RALYL: variants seen among roughly 807,000 people sequenced by gnomAD.
RALYL encodes the protein RNA-binding Raly-like protein.
RALYL carries 29 observed loss-of-function variants against 35.1 expected under a neutral mutation model. That is an observed-to-expected ratio of 0.83 (90% CI 0.61 to 1.13). The LOEUF (loss-of-function observed/expected upper bound fraction) is 1.13. Among genes scored for constraint, RALYL ranks in the 50% most tolerant of loss-of-function variants. The pLI is 0.00. For synonymous variants in RALYL, 120 were observed against 127.6 expected, an observed-to-expected ratio of 0.94 and a Z score of 0.40; for missense variants, 359 against 360.4, an observed-to-expected ratio of 1.00 and a Z score of 0.03.
chr8:84,467,116 G>C (rs1010823822), intron 1 of RALYL, among the ~76,000 whole-genome samples: 3 of 151,914 alleles, frequency 2.0e-5, no homozygotes, highest in Non-Finnish European at 2.9e-5. Context: ...TTAATTTTTT[G>C]AAGGGTTTTT....
intron 5 of RALYL, among the ~76,000 whole-genome samples, chr8:84,858,015 T>C (rs1364290434): frequency 2.0e-5 from 3 of 152,150 alleles, no homozygotes; most frequent in African/African-American, 7.2e-5. Flanking sequence ...AAAACAATTA[T>C]TGTTTAAGAA....
intron 1 of RALYL, among the ~76,000 whole-genome samples, chr8:84,425,344 C>G (rs575170996): frequency 4.7e-5 from 7 of 149,906 alleles, no homozygotes; most frequent in Admixed American, 6.7e-5. Flanking sequence ...TTCTTTGACT[C>G]GGAAAGGGAA....
intron 1 of RALYL, among the ~76,000 whole-genome samples, chr8:84,311,799 G>A (rs1842871592): frequency 6.6e-6 from 1 of 152,114 alleles, no homozygotes; most frequent in Non-Finnish European, 1.5e-5. Flanking sequence ...TAAGAAGCAT[G>A]GTACTGTACA....
intron 8 of RALYL, among the ~76,000 whole-genome samples, chr8:84,908,339 C>G (rs1432345181): frequency 1.3e-5 from 2 of 152,166 alleles, no homozygotes; most frequent in Non-Finnish European, 2.9e-5. Context: ...ATCTTGTACT[C>G]TTTGACAGAC....
intron 1 of RALYL, among the ~76,000 whole-genome samples, chr8:84,290,438 G>A (rs1838546958): frequency 6.6e-6 from 1 of 151,724 alleles, no homozygotes; most frequent in Admixed American, 6.6e-5. Flanking sequence ...CGTTTTATAG[G>A]ATTTGGGTAG....
chr8:84,596,388 C>T (rs540709188), intron 2 of RALYL, among the ~76,000 whole-genome samples: 3 of 152,146 alleles, frequency 2.0e-5, no homozygotes, highest in African/African-American at 4.8e-5. Flanking sequence ...ACTTATTATG[C>T]ATGCTTCTCT....
intron 1 of RALYL, among the ~76,000 whole-genome samples, chr8:84,405,458 C>T (rs1441841019): frequency 1.3e-5 from 2 of 152,000 alleles, no homozygotes; most frequent in Non-Finnish European, 2.9e-5. Context: ...AGATAGACCA[C>T]TAGCCAGACT....
chr8:84,202,220 T>A (rs1563523281), intron 1 of RALYL, among the ~76,000 whole-genome samples: 1 of 151,306 alleles, frequency 6.6e-6, no homozygotes, highest in Non-Finnish European at 1.5e-5. Flanking sequence ...AAAAAAAAAA[T>A]AAAGCCTAGC....
intron 1 of RALYL, among the ~76,000 whole-genome samples, chr8:84,366,523 T>G (rs911985221): frequency 1.1e-4 from 16 of 152,016 alleles, no homozygotes; most frequent in Non-Finnish European, 1.9e-4. Flanking sequence ...ACGCCTATGA[T>G]CCCAGCCCTT....
intron 1 of RALYL, among the ~76,000 whole-genome samples, chr8:84,384,232 T>C (rs1324169697): frequency 6.6e-6 from 1 of 151,708 alleles, no homozygotes; most frequent in African/African-American, 2.4e-5. Context: ...CCTACCCAGC[T>C]CACAGGGTTG....
At chr8:84,512,678 T>A (rs576028536) in intron 1 of RALYL, among the ~76,000 whole-genome samples, 1 of 152,328 alleles carries the variant, frequency 6.6e-6, no homozygotes, top group Non-Finnish European at 1.5e-5. Context: ...TACATATATT[T>A]ATTTAATCCA....
chr8:84,342,923 A>G (rs1849127963), intron 1 of RALYL, among the ~76,000 whole-genome samples: 1 of 152,062 alleles, frequency 6.6e-6, no homozygotes, highest in Non-Finnish European at 1.5e-5. Flanking sequence ...AAGTCATAAT[A>G]GAATTATGCC....
At chr8:84,729,473 A>G (rs567462919) in intron 2 of RALYL, among the ~76,000 whole-genome samples, 1 of 152,180 alleles carries the variant, frequency 6.6e-6, no homozygotes, top group Admixed American at 6.6e-5. Flanking sequence ...AATTAAAAGA[A>G]CTAGAAAAGC....
At chr8:84,703,701 G>A (rs1302008668) in intron 2 of RALYL, among the ~76,000 whole-genome samples, 6 of 152,048 alleles carry the variant, frequency 3.9e-5, no homozygotes, top group African/African-American at 7.2e-5. Flanking sequence ...TCATCACCAC[G>A]TTTATTCATA....
At chr8:84,363,703 G>A (rs1341038579) in intron 1 of RALYL, among the ~76,000 whole-genome samples, 1 of 152,134 alleles carries the variant, frequency 6.6e-6, no homozygotes, top group Non-Finnish European at 1.5e-5. Context: ...CGTAAAAACG[G>A]ATGAATAAGG....
At chr8:84,683,119 C>G (rs555797694) in intron 2 of RALYL, among the ~76,000 whole-genome samples, 19 of 152,276 alleles carry the variant, frequency 1.2e-4, no homozygotes, top group Non-Finnish European at 2.4e-4. Context: ...CATTCAGGAG[C>G]AGGTTTTTCA....
At chr8:84,513,444 C>G (rs2134457936) in intron 1 of RALYL, among the ~76,000 whole-genome samples, 1 of 151,664 alleles carries the variant, frequency 6.6e-6, no homozygotes. Context: ...ATATTAGACA[C>G]AAAAATTATT....
chr8:84,460,113 A>G (rs1267480850), intron 1 of RALYL, among the ~76,000 whole-genome samples: 1 of 151,812 alleles, frequency 6.6e-6, no homozygotes, highest in African/African-American at 2.4e-5. Flanking sequence ...CCTGGAGGTT[A>G]TACACACAGG....
chr8:84,483,755 T>C (rs1246570234), intron 1 of RALYL, among the ~76,000 whole-genome samples: 2 of 152,160 alleles, frequency 1.3e-5, no homozygotes, highest in East Asian at 3.9e-4. Flanking sequence ...CAAAGCATGC[T>C]GAGTTGCAAT....
Sources: allele counts gnomAD v4.1 joint callset (sites outside exome capture counted in the v4.1 genomes callset), GRCh38; gene constraint gnomAD v4.1.1; transcripts MANE v1.5; gene names NCBI Gene and HGNC (gene_info 2026-07-23, HGNC 2026-07-21).